TNS2: variants seen among roughly 807,000 people sequenced by gnomAD.
The protein encoded by TNS2 is tensin-2.
Under a neutral mutation model 155.7 loss-of-function variants are expected in TNS2, and 77 were observed. The ratio of observed to expected loss-of-function variants is 0.49; its 90% CI spans 0.41 to 0.60. The LOEUF is 0.60. TNS2 is among the 20% of genes least tolerant of loss of function. The pLI is 0.00. For synonymous variants in TNS2, 726 were observed against 763.9 expected (o/e 0.95, Z 0.82); for missense variants, 1,703 against 1,868.8 (o/e 0.91, Z 1.64).
At position 53,058,824 on chromosome 12, in the gene TNS2, G is replaced by T; in HGVS notation, c.1402G>T (p.Asp468Tyr). The T allele has an allele frequency of 6.2e-7, 1 of 1,613,372 alleles. No homozygotes were observed. The highest frequency in any genetic ancestry group is 8.5e-7 in the Non-Finnish European group (1 of 1,179,956). Residue 468 changes from aspartate to tyrosine, a missense_variant, in exon 17 of 29, where the codon GAT (aspartate) becomes TAT (tyrosine). By Grantham distance (160) the Asp-to-Tyr change is radical (BLOSUM62 -3). Coordinates refer to ENST00000314250, the MANE Select transcript of TNS2 (RefSeq NM_170754.4). ...CAACCAGCACCACGAGGACAGTGTGGATGGTGCGCAGGCAGCCTGCAGGGT... is the reference window on the plus strand; with the variant it reads ...CAACCAGCACCACGAGGACAGTGTGTATGGTGCGCAGGCAGCCTGCAGGGT... ...NFNQHHEDSVDGSLTHTRGPL... is the reference protein window; with the variant it reads ...NFNQHHEDSVYGSLTHTRGPL...
Position 53,059,411 on chromosome 12 carries a change from C to T in TNS2, c.1770C>T (p.Arg590=). The change falls in exon 18 of 29, where the codon CGC becomes CGT. Residue 590 remains arginine (R), a synonymous_variant. Coordinates refer to ENST00000314250, the MANE Select transcript of TNS2 (RefSeq NM_170754.4). The surrounding 1 kb of genome is among the most constrained non-coding windows in gnomAD (Gnocchi z 4.7). ...VYPGHRPGLS[R]HCSCRQGYRE... is the part of the protein sequence containing the mutation. The stretch of plus-strand genomic sequence containing the variant: ...CAGGCCATAGGCCTGGCCTCAGCCG[C>T]CACTGCTCCTGCCGCCAGGGCTACC... The T allele has an allele frequency of 2.7e-6, 4 of 1,476,430 alleles. No homozygotes were observed. The highest frequency in any genetic ancestry group is 3.6e-6 in the Non-Finnish European group (4 of 1,114,996). The allele number at this position is 1,476,430 out of a possible 1,614,324, so 91.5% of individuals were successfully genotyped here.
At position 53,054,330 on chromosome 12, in the gene TNS2, G is replaced by A. The variant is rs141470860; in HGVS notation, c.411G>A (p.Thr137=). ...GGGACTTAGACCTCACCTACGTGAC[G>A]GAGCGCATCTTGGCCGCCGCCTTCC... ...RRWDLDLTYV[T]ERILAAAFPA... is the part of the protein sequence containing the mutation. Residue 137 remains threonine, a synonymous_variant, in exon 7 of 29, where the codon ACG becomes ACA. Coordinates refer to ENST00000314250, the MANE Select transcript of TNS2 (RefSeq NM_170754.4). 3,790 of 1,613,188 alleles carry A rather than the reference G, an allele frequency of 2.3e-3. 20 individuals carry two copies. The highest frequency in any genetic ancestry group is 0.016 in the Middle Eastern group (97 of 6,062).
Position 53,061,072 on chromosome 12 carries a change from G to T in TNS2, c.3166G>T (p.Ala1056Ser), listed in dbSNP as rs780939886. 1 of 1,612,344 alleles carries T rather than the reference G, an allele frequency of 6.2e-7. No individual in the cohort carries two copies. Among genetic ancestry groups the T allele is most frequent in the Non-Finnish European group, 8.5e-7 (1 of 1,179,350 alleles). ...PEPPQSSPTP[A>S]FPLAASYDTN... ...GCCGCCTCAGAGCTCACCTACACCTGCTTTCCCCCTGGCTGCCTCCTATGA... is the reference window on the plus strand; with the variant it reads ...GCCGCCTCAGAGCTCACCTACACCTTCTTTCCCCCTGGCTGCCTCCTATGA... The change falls in exon 20 of 29, where the codon GCT (alanine) becomes TCT (serine). Residue 1056 changes from alanine to serine, a missense_variant. Coordinates refer to ENST00000314250, the MANE Select transcript of TNS2 (RefSeq NM_170754.4).
chr12:53,055,547 G>T, intron 8 of TNS2, 21 bp from the exon 9 acceptor site: 1 of 1,583,576 alleles, frequency 6.3e-7, no homozygotes, highest in Admixed American at 1.7e-5. Flanking sequence ...GGCCCCAGTT[G>T]CACCCCTGCA....
Position 53,050,215 on chromosome 12 carries a change from G to C in TNS2, c.30G>C (p.Leu10=), listed in dbSNP as rs756359026. MKSSGPVER[L]LRALGRRDSS... The stretch of plus-strand genomic sequence containing the variant: ...AGTCCAGCGGCCCTGTGGAGAGGCT[G>C]CTCAGAGCCCTGGGGAGGAGGGACA... Residue 10 remains leucine (L), a synonymous_variant, in exon 1 of 29, where the codon CTG becomes CTC. Transcript: ENST00000314250. The surrounding 1 kb of genome is among the most constrained non-coding windows in gnomAD (Gnocchi z 4.7). 1 of 1,611,110 alleles carries C rather than the reference G, an allele frequency of 6.2e-7. No individual in the cohort carries two copies. Among genetic ancestry groups the C allele is most frequent in the Admixed American group, 1.7e-5 (1 of 59,856 alleles).
chr12:53,052,507 C>G lies in TNS2; in HGVS notation c.222+15C>G, dbSNP rs753444404. The G allele has an allele frequency of 1.7e-5, 27 of 1,613,902 alleles. No individual in the cohort carries two copies. In the South Asian group the frequency reaches 2.9e-4, roughly 17 times the overall value. ...GTGAAGCAAAGGTGGGTATCTGATT[C>G]TACCTGATAGGGGGAGAGGGTCTGG... is the stretch of plus-strand genomic sequence containing the variant. On this transcript the variant is annotated intron_variant, in intron 3 of 28. Transcript: ENST00000314250.
At chr12:53,062,533 G>T in intron 24 of TNS2, 80 bp downstream of exon 24, 1 of 1,606,532 alleles carries the variant, frequency 6.2e-7, no homozygotes, top group Non-Finnish European at 8.5e-7. Flanking sequence ...TTGGCTCCCC[G>T]CCTTCCCTTG....
At chr12:53,056,332 C>T (rs373480183) in intron 10 of TNS2, 5 of 154,346 alleles carry the variant, frequency 3.2e-5, no homozygotes, top group Admixed American at 1.9e-4. Context: ...TGTACTCCAG[C>T]CTGGGTGACA....
At chr12:53,051,524 G>C (rs1441292969) in intron 1 of TNS2, among the ~76,000 whole-genome samples, 1 of 150,920 alleles carries the variant, frequency 6.6e-6, no homozygotes, top group Non-Finnish European at 1.5e-5. Flanking sequence ...GAAGAGTCAG[G>C]GAGTACCCTT....
In TNS2 at chr12:53,050,195, A is replaced by G; in HGVS notation, c.10A>G (p.Ser4Gly). 1 of 1,611,172 alleles carries G rather than the reference A, an allele frequency of 6.2e-7. No individual in the cohort carries two copies. Among genetic ancestry groups the G allele is most frequent in the Non-Finnish European group, 8.5e-7 (1 of 1,179,264 alleles). The change falls in exon 1 of 29, where the codon AGC becomes GGC. Residue 4 changes from serine to glycine, a missense_variant. Transcript: ENST00000314250. This position sits in a 1 kb window ranked among gnomAD's most constrained non-coding sequence, Gnocchi z 4.7. ...CAGCCAGCCGAACACCATGAAGTCC[A>G]GCGGCCCTGTGGAGAGGCTGCTCAG... is the stretch of plus-strand genomic sequence containing the variant. MKS[S>G]GPVERLLRAL...
chr12:53,049,958 TG>T, upstream of TNS2: 1 of 1,161,908 alleles, frequency 8.6e-7, no homozygotes. Context: ...TCTGATCTCC[TG>T]GCCTCCCCCA....
rs767043697 is a variant in TNS2, at chr12:53,060,705, C to T, written c.2799C>T (p.Thr933=). Residue 933 remains threonine (T), a synonymous_variant, in exon 20 of 29, where the codon ACC becomes ACT. Transcript: ENST00000314250. The surrounding 1 kb of genome is among the most constrained non-coding windows in gnomAD (Gnocchi z 6.1). The part of the protein sequence containing the change: ...STRRQDTRSP[T]SAPTQRLSPG... ...GGCGACAGGACACCAGGTCCCCCAC[C>T]TCAGCGCCCACTCAGAGACTGAGTC... The T allele has an allele frequency of 1.9e-6, 3 of 1,589,376 alleles. No individual in the cohort carries two copies. Among genetic ancestry groups the T allele is most frequent in the Admixed American group, 3.4e-5 (2 of 58,790 alleles).
At chr12:53,062,787 G>A in intron 25 of TNS2, 90 bp downstream of exon 25, 3 of 1,501,900 alleles carry the variant, frequency 2.0e-6, no homozygotes, top group South Asian at 1.2e-5. Context: ...AGGCCTTGAG[G>A]TGGGTGAGCC....
chr12:53,062,892 TC>T (rs1944428201), intron 25 of TNS2, 195 bp downstream of exon 25: 1 of 923,132 alleles, frequency 1.1e-6, no homozygotes, highest in African/African-American at 1.7e-5. Context: ...AACAAGACGA[TC>T]ATGGGGTGGT....
upstream of TNS2, among the ~76,000 whole-genome samples, chr12:53,048,237 A>AC (rs1943798429): frequency 6.6e-6 from 1 of 151,682 alleles, no homozygotes; most frequent in Non-Finnish European, 1.5e-5. Context: ...TGACCACCCC[A>AC]CCCCTCACCG....
Position 53,054,025 on chromosome 12 carries a change from G to A in TNS2, c.350+11G>A, listed in dbSNP as rs766739412. 1 of 1,614,066 alleles carries A rather than the reference G, an allele frequency of 6.2e-7. No individual in the cohort carries two copies. Among genetic ancestry groups the A allele is most frequent in the East Asian group, 2.2e-5 (1 of 44,870 alleles). ...CAGCACTCTGCCCAGGTAAGTGAGG[G>A]TGCTGGGGTGGTCCCACGTGACCCC... On this transcript the variant is annotated intron_variant, in intron 6 of 28. Transcript: ENST00000314250.
At chr12:53,061,615 T>C (rs1944387579) in intron 21 of TNS2, 146 bp downstream of exon 21, 4 of 1,320,228 alleles carry the variant, frequency 3.0e-6, no homozygotes, top group South Asian at 1.4e-5. Flanking sequence ...CAGGTGATTC[T>C]GGGCTTTGGG....
rs372559786 is a variant in TNS2 at position 53,062,098 on chromosome 12, A to C, written c.3575-55A>C. 4.1e-4 allele frequency: 664 copies of C among 1,612,454 alleles called. 6 individuals carry two copies. The African/African-American group carries it at 7.8e-3, about 19-fold the overall frequency. ...TGCTCGGGAAAGAATCCCATTAGGGAAGAAGCTGGAACCTGGAATCCTAAA... is the reference window on the plus strand; with the variant it reads ...TGCTCGGGAAAGAATCCCATTAGGGCAGAAGCTGGAACCTGGAATCCTAAA... On this transcript the variant is annotated intron_variant, in intron 22 of 28. Coordinates refer to ENST00000314250, the MANE Select transcript of TNS2 (RefSeq NM_170754.4).
chr12:53,061,050 G>A lies in TNS2; in HGVS notation c.3144G>A (p.Pro1048=), dbSNP rs754954729. 32 of 1,613,504 alleles carry A rather than the reference G, an allele frequency of 2.0e-5. No individual in the cohort carries two copies. Among genetic ancestry groups the A allele is most frequent in the East Asian group, 8.9e-5 (4 of 44,884 alleles). The stretch of plus-strand genomic sequence containing the variant: ...CCTGGCTTGTGGCCAGCCCAGAGCC[G>A]CCTCAGAGCTCACCTACACCTGCTT... ...QMPWLVASPE[P]PQSSPTPAFP... Residue 1048 remains proline, a synonymous_variant, in exon 20 of 29, where the codon CCG becomes CCA. Transcript: ENST00000314250.
Sources: gnomAD v4.1 joint callset for allele counts (sites outside exome capture counted in the v4.1 genomes callset) on GRCh38, gnomAD v4.1.1 for gene constraint, Gnocchi (gnomAD v3.1) non-coding constraint, MANE v1.5 for transcripts, NCBI Gene and HGNC (gene_info 2026-07-23, HGNC 2026-07-21) for gene names.